The following KCNQ4 variants were observed in gnomAD, a reference collection of about 807,000 sequenced individuals.
The protein encoded by KCNQ4 is potassium voltage-gated channel subfamily Q member 4.
In KCNQ4, 31 loss-of-function variants were observed where a neutral mutation model predicts 72.6. That is an observed-to-expected ratio of 0.43 (90% CI 0.32 to 0.58). The LOEUF is 0.58. Ranked by LOEUF, KCNQ4 falls within the 20% of genes least tolerant of loss-of-function variation. KCNQ4 has a pLI of 0.08. For missense variants in KCNQ4, 869 were observed against 962.6 expected, an observed-to-expected ratio of 0.90 and a Z score of 1.29; for synonymous variants, 405 against 403.7, an observed-to-expected ratio of 1.00 and a Z score of -0.04.
intron 1 of KCNQ4, among the ~76,000 whole-genome samples, chr1:40,789,965 ATCT>A (rs1557984069): frequency 6.6e-6 from 1 of 152,186 alleles, no homozygotes; most frequent in Non-Finnish European, 1.5e-5. Context: ...GGAAGGTCCG[ATCT>A]TCTTGTGGGC....
At chr1:40,830,438 T>C (rs1228660098) in intron 9 of KCNQ4, among the ~76,000 whole-genome samples, 3 of 152,140 alleles carry the variant, frequency 2.0e-5, no homozygotes, top group African/African-American at 7.2e-5. Context: ...CCCTGACCAG[T>C]GTGGGATCAG....
intron 10 of KCNQ4, 126 bp downstream of exon 10, chr1:40,831,430 G>T: frequency 1.3e-6 from 1 of 749,076 alleles, no homozygotes. Flanking sequence ...CCGTCTTTGG[G>T]CTCTGGTCTT....
In KCNQ4 at chr1:40,817,156, T is replaced by C; in HGVS notation, c.315-109T>C. 1 of 846,040 alleles carries C rather than the reference T, an allele frequency of 1.2e-6. No individual in the cohort carries two copies. The allele number at this position is 846,040 out of a possible 1,614,324, so 52.4% of individuals were successfully genotyped here. On this transcript the variant is annotated intron_variant, in intron 1 of 13. Coordinates refer to ENST00000347132, the MANE Select transcript of KCNQ4 (RefSeq NM_004700.4). The surrounding 1 kb of genome is among the most constrained non-coding windows in gnomAD (Gnocchi z 5.5). Reference sequence around the variant, plus strand: ...TTCCAATTCTGATTTCCACATAATTTTCTGAAAATAATGTTCTCCTCTCTT... The same window carrying C: ...TTCCAATTCTGATTTCCACATAATTCTCTGAAAATAATGTTCTCCTCTCTT...
intron 11 of KCNQ4, among the ~76,000 whole-genome samples, 181 bp downstream of exon 11, chr1:40,833,294 C>T (rs1346349885): frequency 6.6e-6 from 1 of 152,078 alleles, no homozygotes; most frequent in Non-Finnish European, 1.5e-5. Flanking sequence ...CCTGTAATCC[C>T]AGCTACTTGG....
At chr1:40,804,352 G>A (rs1021068471) in intron 1 of KCNQ4, among the ~76,000 whole-genome samples, 1 of 152,182 alleles carries the variant, frequency 6.6e-6, no homozygotes, top group African/African-American at 2.4e-5. Context: ...TGGGTGCCAG[G>A]CCCAACTCTG....
At chr1:40,787,699 C>G (rs1647216939) in intron 1 of KCNQ4, among the ~76,000 whole-genome samples, 2 of 133,954 alleles carry the variant, frequency 1.5e-5, no homozygotes, top group Non-Finnish European at 3.3e-5. Flanking sequence ...AGCTGCATCC[C>G]CCTCCTATGC....
chr1:40,822,446 A>G (rs1570835850), intron 8 of KCNQ4, 44 bp downstream of exon 8: 2 of 1,431,682 alleles, frequency 1.4e-6, no homozygotes, highest in Non-Finnish European at 1.9e-6. Flanking sequence ...GCTGGCAGCA[A>G]TGCCCTTTGA....
chr1:40,805,617 A>G (rs1357751884), intron 1 of KCNQ4, among the ~76,000 whole-genome samples: 1 of 144,450 alleles, frequency 6.9e-6, no homozygotes, highest in African/African-American at 2.6e-5. Context: ...GCTCAGACAC[A>G]GCATGAGTAA....
intron 4 of KCNQ4, chr1:40,818,936 C>G: frequency 1.6e-6 from 1 of 606,492 alleles, no homozygotes; most frequent in Non-Finnish European, 3.0e-6. Context: ...GAGGGTTTCC[C>G]CTGGATGCTT....
intron 8 of KCNQ4, 141 bp downstream of exon 8, chr1:40,822,543 A>G (rs943914760): frequency 6.9e-5 from 47 of 676,614 alleles, no homozygotes; most frequent in Middle Eastern, 3.9e-4. Context: ...TGCAGATCCT[A>G]TGTAATTCAG....
chr1:40,812,059 T>A (rs1647946993), intron 1 of KCNQ4, among the ~76,000 whole-genome samples: 1 of 152,046 alleles, frequency 6.6e-6, no homozygotes, highest in South Asian at 2.1e-4. Context: ...CAGATACTGA[T>A]CTCTCTTCTG....
intron 1 of KCNQ4, among the ~76,000 whole-genome samples, chr1:40,801,134 A>T (rs893162597): frequency 2.1e-5 from 3 of 142,896 alleles, no homozygotes; most frequent in African/African-American, 7.9e-5. Flanking sequence ...GGAGGTGGGG[A>T]TAGGGGGCTG....
At chr1:40,807,208 T>C (rs1299139476) in intron 1 of KCNQ4, among the ~76,000 whole-genome samples, 1 of 152,194 alleles carries the variant, frequency 6.6e-6, no homozygotes, top group Non-Finnish European at 1.5e-5. Flanking sequence ...TGGCGGCTGC[T>C]GTCCCTCCAG....
chr1:40,832,380 A>G (rs1020775327), intron 10 of KCNQ4, among the ~76,000 whole-genome samples: 1 of 152,144 alleles, frequency 6.6e-6, no homozygotes, highest in African/African-American at 2.4e-5. Context: ...GGTGCTGCCC[A>G]TAGAAGCCTG....
intron 8 of KCNQ4, 102 bp downstream of exon 8, chr1:40,822,504 G>C: frequency 2.1e-6 from 2 of 931,854 alleles, no homozygotes; most frequent in Non-Finnish European, 3.3e-6. Flanking sequence ...GGGGGTGATG[G>C]CTCCCAGGGG....
intron 12 of KCNQ4, among the ~76,000 whole-genome samples, chr1:40,836,349 A>G (rs2148333489): frequency 6.6e-6 from 1 of 152,342 alleles, no homozygotes; most frequent in African/African-American, 2.4e-5. Flanking sequence ...ATTTGTTGAC[A>G]TGGAGAAGGC....
Position 40,790,951 on chromosome 1 carries a change from G to A in KCNQ4, c.314+6544G>A, listed in dbSNP as rs117766453. ...GGACGGTGTATGCCAGAGGGCCACT[G>A]TGCGGCCGAGTTTGGGCCTCATGGT... is the stretch of plus-strand genomic sequence containing the variant. On this transcript the variant is annotated intron_variant, in intron 1 of 13. Coordinates refer to ENST00000347132, the MANE Select transcript of KCNQ4 (RefSeq NM_004700.4). Among the ~76,000 whole-genome samples the A allele has an allele frequency of 1.4e-4, 22 of 152,304 alleles. No homozygotes were observed. The East Asian group carries it at 4.1e-3, about 28-fold the overall frequency.
At chr1:40,797,847 G>T (rs574961447) in intron 1 of KCNQ4, among the ~76,000 whole-genome samples, 1 of 152,278 alleles carries the variant, frequency 6.6e-6, no homozygotes, top group African/African-American at 2.4e-5. Flanking sequence ...GGGGAGATGT[G>T]TGTGGTTGAG....
At position 40,816,981 on chromosome 1, in the gene KCNQ4, A is replaced by G. The variant is rs562221450; in HGVS notation, c.315-284A>G. 7.9e-5 allele frequency among the ~76,000 whole-genome samples: 12 copies of G among 152,224 alleles called. No individual in the cohort carries two copies. The South Asian group carries it at 2.5e-3, about 32-fold the overall frequency. ...AGGAACCCTGAGTCAGTCTATTTCC[A>G]CTGCCAGACCTGCTACTCACAGATG... On this transcript the variant is annotated intron_variant, in intron 1 of 13. Coordinates refer to ENST00000347132, the MANE Select transcript of KCNQ4 (RefSeq NM_004700.4).
Sources: gnomAD v4.1 joint callset for allele counts (sites outside exome capture counted in the v4.1 genomes callset) on GRCh38, gnomAD v4.1.1 for gene constraint, Gnocchi (gnomAD v3.1) non-coding constraint, MANE v1.5 for transcripts, NCBI Gene and HGNC (gene_info 2026-07-23, HGNC 2026-07-21) for gene names.